The following SEMA3D variants were observed in gnomAD, a reference collection of about 807,000 sequenced individuals.
The protein encoded by SEMA3D is semaphorin 3D, also known as semaphorin-3D.
SEMA3D carries 84 observed loss-of-function variants against 100.1 expected under a neutral mutation model. The ratio of observed to expected loss-of-function variants is 0.84; its 90% CI spans 0.70 to 1.01. The LOEUF (loss-of-function observed/expected upper bound fraction) is 1.01. Among genes scored for constraint, SEMA3D ranks in the 50% least tolerant of loss-of-function variants. The pLI is 0.00. For missense variants in SEMA3D, 875 were observed against 934.1 expected, an observed-to-expected ratio of 0.94 and a Z score of 0.82; for synonymous variants, 312 against 320.7, an observed-to-expected ratio of 0.97 and a Z score of 0.29.
upstream of SEMA3D, among the ~76,000 whole-genome samples, chr7:85,189,683 G>A (rs191982457): frequency 1.6e-4 from 24 of 152,148 alleles, no homozygotes; most frequent in African/African-American, 5.8e-4. Context: ...AAAAAGGAAA[G>A]AAAACAAATA....
chr7:85,181,715 G>A, intron 1 of SEMA3D: 1 of 877,568 alleles, frequency 1.1e-6, no homozygotes, highest in Non-Finnish European at 1.4e-6. Flanking sequence ...AGAAAAAGAA[G>A]GTAATCTTTG....
In SEMA3D at chr7:85,055,743, G is replaced by C; in HGVS notation, c.835C>G (p.Leu279Val). ...TTACAAACTCTTCCAACTCGAGAAAGGATGGTTTTATCGGAGGTACTGCCT... is the reference window on the plus strand; with the variant it reads ...TTACAAACTCTTCCAACTCGAGAAACGATGGTTTTATCGGAGGTACTGCCT... ...QEGSTSDKTI[L>V]SRVGRVCKND... Residue 279 changes from leucine to valine, a missense_variant, in exon 9 of 19, where the codon CTT becomes GTT. Transcript: ENST00000284136. 2.6e-6 allele frequency: 4 copies of C among 1,531,908 alleles called. No homozygotes were observed. Among genetic ancestry groups the C allele is most frequent in the Non-Finnish European group, 3.6e-6 (4 of 1,123,200 alleles). The allele number at this position is 1,531,908 out of a possible 1,614,324, so 94.9% of individuals were successfully genotyped here. A position where few individuals can be genotyped will look rare whatever the true frequency, so the allele number is the denominator to read the frequency against.
intron 18 of SEMA3D, among the ~76,000 whole-genome samples, chr7:85,004,126 G>A (rs113946854): frequency 0.012 from 1,778 of 151,980 alleles, 37 homozygotes; most frequent in African/African-American, 0.041. Flanking sequence ...GGTAGGATGC[G>A]TGGGAGACAG....
At chr7:85,151,314 C>G (rs2116491249) in intron 2 of SEMA3D, among the ~76,000 whole-genome samples, 1 of 152,044 alleles carries the variant, frequency 6.6e-6, no homozygotes, top group East Asian at 1.9e-4. Flanking sequence ...TCATTCTTCA[C>G]TTTGGAAATC....
intron 1 of SEMA3D, among the ~76,000 whole-genome samples, chr7:85,179,326 G>A (rs1044623446): frequency 1.3e-5 from 2 of 152,198 alleles, no homozygotes; most frequent in Non-Finnish European, 2.9e-5. Context: ...ACCTGTGAAA[G>A]CAGCCAGGAG....
At chr7:85,189,244 G>T (rs1791641469), upstream of SEMA3D, among the ~76,000 whole-genome samples, 1 of 152,040 alleles carries the variant, frequency 6.6e-6, no homozygotes, top group South Asian at 2.1e-4. Flanking sequence ...TGTGTTAGGT[G>T]CTTAACAAAT....
At chr7:85,206,153 T>A in the SEMA3D span, among the ~76,000 whole-genome samples, 2 of 152,110 alleles carry the variant, frequency 1.3e-5, no homozygotes, top group Non-Finnish European at 2.9e-5. Context: ...CATAGCCTTC[T>A]TCCACCCTAA....
At chr7:85,073,197 A>G (rs1351011971) in intron 5 of SEMA3D, 116 bp from the exon 6 acceptor site, 5 of 940,766 alleles carry the variant, frequency 5.3e-6, no homozygotes, top group African/African-American at 1.7e-5. Context: ...CACAAATGAA[A>G]AAAGATTTAT....
chr7:85,138,368 A>C (rs1350601814), intron 2 of SEMA3D, among the ~76,000 whole-genome samples: 1 of 151,830 alleles, frequency 6.6e-6, no homozygotes, highest in East Asian at 1.9e-4. Flanking sequence ...TGCTCACTGC[A>C]ACCTCTGCCT....
the SEMA3D span, among the ~76,000 whole-genome samples, chr7:85,219,996 G>A: frequency 6.6e-6 from 1 of 151,978 alleles, no homozygotes; most frequent in Non-Finnish European, 1.5e-5. Context: ...GCTTAAATAT[G>A]CTATCTGATA....
chr7:85,109,873 C>T (rs1275585555), intron 3 of SEMA3D, among the ~76,000 whole-genome samples: 3 of 151,850 alleles, frequency 2.0e-5, no homozygotes, highest in Non-Finnish European at 2.9e-5. Context: ...TTTTGCTCCT[C>T]AATAGTTTAT....
In SEMA3D at chr7:85,079,529, A is replaced by T. The variant is rs148627939; in HGVS notation, c.375+1988T>A. ...TATACAGAATCCTACATGGTCAAGGATATCACCTCCAGAAAAGTTTATCAC... is the reference window on the plus strand; with the variant it reads ...TATACAGAATCCTACATGGTCAAGGTTATCACCTCCAGAAAAGTTTATCAC... On this transcript the variant is annotated intron_variant, in intron 5 of 18. Coordinates refer to ENST00000284136, the MANE Select transcript of SEMA3D (RefSeq NM_001384900.1). Among the ~76,000 whole-genome samples, 615 of 152,310 alleles carry T rather than the reference A, an allele frequency of 4.0e-3. 6 individuals are homozygous for T. The highest frequency in any genetic ancestry group is 0.014 in the African/African-American group (588 of 41,578).
chr7:85,221,114 T>C, the SEMA3D span, among the ~76,000 whole-genome samples: 1 of 152,032 alleles, frequency 6.6e-6, no homozygotes, highest in African/African-American at 2.4e-5. Flanking sequence ...ATAGATCCCA[T>C]TGAACCACTA....
chr7:85,078,473 C>T (rs899508021), intron 5 of SEMA3D, among the ~76,000 whole-genome samples: 4 of 152,088 alleles, frequency 2.6e-5, no homozygotes, highest in Non-Finnish European at 5.9e-5. Flanking sequence ...ACAAACAGAG[C>T]CCAGGCTACC....
At chr7:85,077,021 G>A (rs1157357877) in intron 5 of SEMA3D, among the ~76,000 whole-genome samples, 1 of 150,638 alleles carries the variant, frequency 6.6e-6, no homozygotes, top group Non-Finnish European at 1.5e-5. Context: ...CAGGAGAATC[G>A]CTTGAACCCG....
chr7:85,219,923 C>T, the SEMA3D span, among the ~76,000 whole-genome samples: 3 of 151,964 alleles, frequency 2.0e-5, no homozygotes, highest in African/African-American at 7.3e-5. Context: ...CTACAACAGG[C>T]TCATAGAATG....
intron 1 of SEMA3D, among the ~76,000 whole-genome samples, chr7:85,185,940 C>T (rs752050598): frequency 6.6e-6 from 1 of 152,196 alleles, no homozygotes; most frequent in African/African-American, 2.4e-5. Context: ...ACAAAGAGAT[C>T]CCCCGAGTGT....
At chr7:85,042,348 T>A in intron 9 of SEMA3D, 63 bp from the exon 10 acceptor site, 1 of 1,156,234 alleles carries the variant, frequency 8.6e-7, no homozygotes, top group Non-Finnish European at 1.3e-6. Context: ...TCACTAAAAC[T>A]GGTGGCTATT....
intron 11 of SEMA3D, among the ~76,000 whole-genome samples, chr7:85,037,561 T>A (rs1425170020): frequency 6.6e-6 from 1 of 152,124 alleles, no homozygotes; most frequent in East Asian, 1.9e-4. Flanking sequence ...TGAATGAATA[T>A]CCATAAACAT....
Sources: gnomAD v4.1 joint callset for allele counts (sites outside exome capture counted in the v4.1 genomes callset) on GRCh38, gnomAD v4.1.1 for gene constraint, MANE v1.5 for transcripts, NCBI Gene and HGNC (gene_info 2026-07-23, HGNC 2026-07-21) for gene names.